The following DNM3 variants were observed in gnomAD, a reference collection of about 807,000 sequenced individuals.
DNM3 encodes the protein dynamin-3.
Under a neutral mutation model 101.6 loss-of-function variants are expected in DNM3, and 47 were observed. The observed-to-expected ratio is 0.46, with a 90% CI of 0.37 to 0.59. DNM3 has a LOEUF of 0.59. DNM3 is among the 20% of genes least tolerant of loss of function. The pLI is 0.00. For missense variants in DNM3, 849 were observed against 1,085.7 expected, an observed-to-expected ratio of 0.78 and a Z score of 3.06; for synonymous variants, 385 against 387.9, an observed-to-expected ratio of 0.99 and a Z score of 0.09.
At chr1:172,397,695 G>A (rs184029812) in intron 20 of DNM3, among the ~76,000 whole-genome samples, 1 of 152,196 alleles carries the variant, frequency 6.6e-6, no homozygotes, top group East Asian at 1.9e-4. Context: ...TTGAAATAGT[G>A]TTTCTGGTGT....
At chr1:172,037,026 A>C (rs2049021408) in intron 6 of DNM3, among the ~76,000 whole-genome samples, 1 of 152,214 alleles carries the variant, frequency 6.6e-6, no homozygotes, top group Non-Finnish European at 1.5e-5. Context: ...ATGCAGCCAA[A>C]AAACATGAAA....
At chr1:172,085,035 A>G (rs1170793443) in intron 12 of DNM3, among the ~76,000 whole-genome samples, 3 of 151,804 alleles carry the variant, frequency 2.0e-5, no homozygotes, top group Non-Finnish European at 4.4e-5. Flanking sequence ...CTTTTTTTCC[A>G]TCTTCTAGTT....
rs144111377 is a variant in DNM3, at chr1:172,283,031, G to A, written c.1770-25697G>A. Among the ~76,000 whole-genome samples, 563 of 152,248 alleles carry A rather than the reference G, an allele frequency of 3.7e-3. 3 individuals are homozygous for A. The highest frequency in any genetic ancestry group is 0.011 in the African/African-American group (446 of 41,556). ...TTCCAGGTTCCAGCCATCTTAGAGCGTTGCTAGTTACTGACAATCAGGCAG... is the reference window on the plus strand; with the variant it reads ...TTCCAGGTTCCAGCCATCTTAGAGCATTGCTAGTTACTGACAATCAGGCAG... On this transcript the variant is annotated intron_variant, in intron 15 of 20. Coordinates refer to ENST00000627582, the MANE Select transcript of DNM3 (RefSeq NM_015569.5).
In DNM3 at chr1:171,968,156, C is replaced by T. The variant is rs559993523; in HGVS notation, c.236-19500C>T. Among the ~76,000 whole-genome samples the T allele has an allele frequency of 3.3e-5, 5 of 152,278 alleles. No homozygotes were observed. In the South Asian group the frequency reaches 6.2e-4, roughly 19 times the overall value. ...TGAATGTATACATGTGCTAAACACA[C>T]GGAAAATGCTCTGTTGTGAGTTCAA... On this transcript the variant is annotated intron_variant, in intron 2 of 20. Transcript: ENST00000627582.
intron 1 of DNM3, among the ~76,000 whole-genome samples, chr1:171,899,679 T>C (rs1470617543): frequency 6.6e-6 from 1 of 152,224 alleles, no homozygotes; most frequent in Admixed American, 6.5e-5. Flanking sequence ...AAAACATTAG[T>C]TGAGGGCCTA....
intron 14 of DNM3, among the ~76,000 whole-genome samples, chr1:172,160,411 C>CT (rs2058505251): frequency 6.6e-6 from 1 of 151,912 alleles, no homozygotes; most frequent in African/African-American, 2.4e-5. Flanking sequence ...ATTCTATATT[C>CT]TTTTTTGATT....
chr1:172,292,621 A>ACGTG (rs929615131), intron 15 of DNM3, among the ~76,000 whole-genome samples: 60 of 149,992 alleles, frequency 4.0e-4, no homozygotes, highest in African/African-American at 1.5e-3. Context: ...ACACACACAC[A>ACGTG]CACGCGCGTG....
chr1:171,930,937 G>A (rs2040956525), intron 2 of DNM3, among the ~76,000 whole-genome samples: 2 of 152,114 alleles, frequency 1.3e-5, no homozygotes, highest in South Asian at 4.1e-4. Context: ...GTTTATAATA[G>A]CATCAAAAAG....
intron 11 of DNM3, among the ~76,000 whole-genome samples, chr1:172,080,848 A>G (rs1234748042): frequency 6.6e-6 from 1 of 152,172 alleles, no homozygotes; most frequent in Non-Finnish European, 1.5e-5. Context: ...CTCACAGCAC[A>G]GTCAGTCATG....
intron 1 of DNM3, among the ~76,000 whole-genome samples, chr1:171,874,786 G>A (rs1277302478): frequency 1.3e-5 from 2 of 151,430 alleles, no homozygotes; most frequent in African/African-American, 4.9e-5. Flanking sequence ...AGTACCCATA[G>A]TATCCAGTAG....
chr1:172,167,317 CATT>C (rs1349358274), intron 14 of DNM3, among the ~76,000 whole-genome samples: 1 of 152,070 alleles, frequency 6.6e-6, no homozygotes, highest in Non-Finnish European at 1.5e-5. Flanking sequence ...TCCAGTCTAT[CATT>C]GTTGGACATT....
chr1:172,071,648 A>G (rs1216350880), intron 11 of DNM3, among the ~76,000 whole-genome samples: 1 of 152,174 alleles, frequency 6.6e-6, no homozygotes, highest in African/African-American at 2.4e-5. Flanking sequence ...AATCTTCAAA[A>G]TTAAGAATAT....
chr1:172,216,664 G>A (rs968362381), intron 14 of DNM3, among the ~76,000 whole-genome samples: 1 of 152,008 alleles, frequency 6.6e-6, no homozygotes, highest in African/African-American at 2.4e-5. Flanking sequence ...TTGGGCAAAT[G>A]TAACGTTCTT....
intron 1 of DNM3, among the ~76,000 whole-genome samples, chr1:171,862,794 A>G (rs1203271242): frequency 6.6e-6 from 1 of 152,160 alleles, no homozygotes; most frequent in Admixed American, 6.6e-5. Flanking sequence ...GGGAGAGTAT[A>G]TGAAAGAAGG....
chr1:172,020,449 G>A (rs1347267209), intron 4 of DNM3, among the ~76,000 whole-genome samples: 1 of 152,050 alleles, frequency 6.6e-6, no homozygotes, highest in Non-Finnish European at 1.5e-5. Context: ...GACCCCGCGC[G>A]GTGGCTCACG....
intron 3 of DNM3, 106 bp downstream of exon 3, chr1:171,987,911 G>A: frequency 8.8e-7 from 1 of 1,132,828 alleles, no homozygotes; most frequent in Non-Finnish European, 1.2e-6. Flanking sequence ...GGGTTTCTAG[G>A]GTATCCTTTG....
At chr1:172,396,937 G>A (rs959936177) in intron 20 of DNM3, among the ~76,000 whole-genome samples, 2 of 152,124 alleles carry the variant, frequency 1.3e-5, no homozygotes, top group African/African-American at 4.8e-5. Flanking sequence ...ACTCAGGAAT[G>A]GGTATTTATG....
chr1:172,100,283 C>G (rs1403922045), intron 13 of DNM3, among the ~76,000 whole-genome samples: 1 of 152,202 alleles, frequency 6.6e-6, no homozygotes, highest in Non-Finnish European at 1.5e-5. Flanking sequence ...TCCTTCCAAA[C>G]AGGGTTTCTT....
At chr1:172,322,250 C>A (rs142099036) in intron 16 of DNM3, among the ~76,000 whole-genome samples, 2 of 152,288 alleles carry the variant, frequency 1.3e-5, no homozygotes, top group Non-Finnish European at 2.9e-5. Context: ...TACAGCCAGA[C>A]CTGTGACTCC....
Sources: gnomAD v4.1 joint callset for allele counts (sites outside exome capture counted in the v4.1 genomes callset) on GRCh38, gnomAD v4.1.1 for gene constraint, MANE v1.5 for transcripts, NCBI Gene and HGNC (gene_info 2026-07-23, HGNC 2026-07-21) for gene names.